The following ABHD13 variants were observed in gnomAD, a reference collection of about 807,000 sequenced individuals.
ABHD13 encodes the protein abhydrolase domain containing 13, also known as protein ABHD13.
In ABHD13, 7 loss-of-function variants were observed where a neutral mutation model predicts 25.2. The ratio of observed to expected loss-of-function variants is 0.28; its 90% CI spans 0.16 to 0.52. The LOEUF is 0.52. Ranked by LOEUF, ABHD13 falls within the 20% of genes least tolerant of loss-of-function variation. ABHD13 has a pLI of 0.96. For missense variants in ABHD13, 302 were observed against 402.7 expected (o/e 0.75, Z 2.14); for synonymous variants, 133 against 136.1 (o/e 0.98, Z 0.16).
intron 1 of ABHD13, among the ~76,000 whole-genome samples, chr13:108,227,525 G>A (rs61971974): frequency 0.14 from 21,175 of 151,920 alleles, 1,776 homozygotes; most frequent in Non-Finnish European, 0.18. Flanking sequence ...GTAAATATAA[G>A]ATTCAAATTT....
intron 1 of ABHD13, among the ~76,000 whole-genome samples, chr13:108,221,177 T>C (rs1879559950): frequency 6.6e-6 from 1 of 152,256 alleles, no homozygotes; most frequent in East Asian, 1.9e-4. Context: ...ATCCAGCATC[T>C]CCATAGGCAG....
intron 1 of ABHD13, among the ~76,000 whole-genome samples, chr13:108,221,731 C>T (rs12428765): frequency 0.02 from 3,060 of 152,050 alleles, 134 homozygotes; most frequent in Admixed American, 0.11. Context: ...AATTGTTTTT[C>T]GGAAATTCAT....
Position 108,218,398 on chromosome 13 carries a change from G to A in ABHD13, c.-282G>A, listed in dbSNP as rs992265465. 2 of 152,148 alleles carry A rather than the reference G, an allele frequency of 1.3e-5. No individual in the cohort carries two copies. The highest frequency in any genetic ancestry group is 2.9e-5 in the Non-Finnish European group (2 of 68,042). The allele number at this position is 152,148 out of a possible 1,614,324, so 9.4% of individuals were successfully genotyped here. On this transcript the variant is annotated 5_prime_UTR_variant, in exon 1 of 2. Coordinates refer to ENST00000375898, the MANE Select transcript of ABHD13 (RefSeq NM_032859.3). ...GCTTCTGCGCATGCTCGGAAGAGCG[G>A]GCAGGGTTCCCACTCCGGGAGCGGA...
intron 1 of ABHD13, among the ~76,000 whole-genome samples, chr13:108,228,154 A>C (rs1267700196): frequency 6.6e-6 from 1 of 152,002 alleles, no homozygotes. Context: ...TTTTAAGACA[A>C]CATGTATAAA....
At chr13:108,220,130 AAGT>A (rs1158901155) in intron 1 of ABHD13, among the ~76,000 whole-genome samples, 1 of 152,214 alleles carries the variant, frequency 6.6e-6, no homozygotes, top group Non-Finnish European at 1.5e-5. Flanking sequence ...TAGAGAGGCT[AAGT>A]GAGTTGGCAA....
intron 1 of ABHD13, among the ~76,000 whole-genome samples, chr13:108,219,581 G>A (rs1455218658): frequency 2.0e-5 from 3 of 152,148 alleles, no homozygotes; most frequent in African/African-American, 7.2e-5. Context: ...TAGTGTTAAT[G>A]TCATGATATC....
rs754489693 is a variant in ABHD13, at chr13:108,232,120, C to CT, written c.*1890dup. ...TTCTTTAAAGTTTACAAAAAAAAAC[C>CT]TTATGTTTTTATGTAATCAGTCATT... On this transcript the variant is annotated 3_prime_UTR_variant, in exon 2 of 2. Transcript: ENST00000375898. 1 of 166,190 alleles carries CT rather than the reference C, an allele frequency of 6.0e-6. No individual in the cohort carries two copies. The highest frequency in any genetic ancestry group is 1.5e-5 in the Non-Finnish European group (1 of 67,930). 10.3% of individuals were successfully genotyped at this position (166,190 alleles called of 1,614,324 possible). A position where few individuals can be genotyped will look rare whatever the true frequency, so the allele number is the denominator to read the frequency against.
Position 108,229,358 on chromosome 13 carries a change from T to C in ABHD13, c.140T>C (p.Leu47Ser), listed in dbSNP as rs759808525. The change falls in exon 2 of 2, where the codon TTG (leucine) becomes TCG (serine). Residue 47 changes from leucine (L) to serine (S), a missense_variant. Transcript: ENST00000375898. This position sits in a 1 kb window ranked among gnomAD's most constrained non-coding sequence, Gnocchi z 4.7. ...FHLYGGIILL[L>S]LIFISIAGIL... The stretch of plus-strand genomic sequence containing the variant: ...CTGTATGGAGGCATTATCTTACTTT[T>C]GTTAATATTCATATCAATAGCAGGT... The C allele has an allele frequency of 1.2e-6, 2 of 1,612,856 alleles. No homozygotes were observed. The highest frequency in any genetic ancestry group is 4.5e-5 in the East Asian group (2 of 44,860).
chr13:108,224,935 GATA>G (rs1164983043), intron 1 of ABHD13, among the ~76,000 whole-genome samples: 2 of 152,132 alleles, frequency 1.3e-5, no homozygotes, highest in East Asian at 3.8e-4. Context: ...TACAGTACAT[GATA>G]ATAAAGATTA....
intron 1 of ABHD13, among the ~76,000 whole-genome samples, chr13:108,224,996 A>G (rs1335585570): frequency 6.6e-6 from 1 of 152,224 alleles, no homozygotes; most frequent in East Asian, 1.9e-4. Flanking sequence ...ACTAATATCA[A>G]TGTGACACCT....
chr13:108,219,342 C>T (rs893985576), intron 1 of ABHD13, among the ~76,000 whole-genome samples: 1 of 152,106 alleles, frequency 6.6e-6, no homozygotes, highest in Non-Finnish European at 1.5e-5. Flanking sequence ...AAAAAAAAGT[C>T]CGTCCCCATT....
chr13:108,218,878 C>T (rs1879464150), intron 1 of ABHD13, among the ~76,000 whole-genome samples: 2 of 152,138 alleles, frequency 1.3e-5, no homozygotes, highest in African/African-American at 4.8e-5. Context: ...GCCCTGCCGG[C>T]CGCCCCGACT....
At chr13:108,221,774 A>G (rs554042874) in intron 1 of ABHD13, among the ~76,000 whole-genome samples, 1 of 151,818 alleles carries the variant, frequency 6.6e-6, no homozygotes, top group Non-Finnish European at 1.5e-5. Flanking sequence ...ACTTTTTTGT[A>G]TTTTTAAAAG....
At position 108,230,107 on chromosome 13, in the gene ABHD13, A is replaced by G. The variant is rs769588888; in HGVS notation, c.889A>G (p.Thr297Ala). The G allele has an allele frequency of 3.1e-6, 5 of 1,613,194 alleles. No homozygotes were observed. The South Asian group carries it at 4.4e-5, about 14-fold the overall frequency. ...GAGATTAGCCATTTTTCCAGATGGG[A>G]CTCACAATGACACATGGCAGTGCCA... ...TKRLAIFPDGTHNDTWQCQGY... is the reference protein window; with the variant it reads ...TKRLAIFPDGAHNDTWQCQGY... The change falls in exon 2 of 2, where the codon ACT becomes GCT. Residue 297 changes from threonine (T) to alanine (A), a missense_variant. Coordinates refer to ENST00000375898, the MANE Select transcript of ABHD13 (RefSeq NM_032859.3).
chr13:108,218,902 A>G (rs1362002965), intron 1 of ABHD13, among the ~76,000 whole-genome samples: 1 of 152,020 alleles, frequency 6.6e-6, no homozygotes, highest in Non-Finnish European at 1.5e-5. Flanking sequence ...CTCACCACTC[A>G]CCAGGGGAAG....
chr13:108,223,480 G>T (rs1879608472), intron 1 of ABHD13, among the ~76,000 whole-genome samples: 1 of 152,192 alleles, frequency 6.6e-6, no homozygotes, highest in Admixed American at 6.5e-5. Flanking sequence ...ATGTGTACTT[G>T]TTAGTTGAGA....
intron 1 of ABHD13, among the ~76,000 whole-genome samples, chr13:108,220,337 A>T (rs993160741): frequency 6.6e-6 from 1 of 152,220 alleles, no homozygotes; most frequent in African/African-American, 2.4e-5. Context: ...TTACTAACCA[A>T]ATTGCCCTGG....
At chr13:108,218,785 G>A (rs1879457133) in intron 1 of ABHD13, 126 bp downstream of exon 1, 2 of 151,770 alleles carry the variant, frequency 1.3e-5, no homozygotes, top group African/African-American at 4.8e-5. Flanking sequence ...GCTGTGGGGG[G>A]AGCCCCGGGG....
intron 1 of ABHD13, among the ~76,000 whole-genome samples, chr13:108,226,361 TC>T (rs1879671263): frequency 6.6e-6 from 1 of 152,160 alleles, no homozygotes; most frequent in African/African-American, 2.4e-5. Context: ...CAGGTCGTAT[TC>T]AATTCAGAAA....
Sources: allele counts gnomAD v4.1 joint callset (sites outside exome capture counted in the v4.1 genomes callset), GRCh38; gene constraint gnomAD v4.1.1; non-coding constraint Gnocchi (gnomAD v3.1); transcripts MANE v1.5; gene names NCBI Gene and HGNC (gene_info 2026-07-23, HGNC 2026-07-21).